The following CSMD1 variants were observed in gnomAD, a reference collection of about 807,000 sequenced individuals.
CSMD1 encodes CUB and sushi domain-containing protein 1.
CSMD1 carries 213 observed loss-of-function variants against 417.5 expected under a neutral mutation model. That is an observed-to-expected ratio of 0.51 (90% CI 0.46 to 0.57). The LOEUF (loss-of-function observed/expected upper bound fraction) is 0.57. Among genes scored for constraint, CSMD1 ranks in the 20% least tolerant of loss-of-function variants. CSMD1 has a pLI of 0.00. For missense variants in CSMD1, 6,923 were observed against 4,529.7 expected, an observed-to-expected ratio of 1.53 and a Z score of -15.17; for synonymous variants, 2,862 against 1,736.8, an observed-to-expected ratio of 1.65 and a Z score of -16.11.
At chr8:2,963,533 T>G in intron 59 of CSMD1, 138 bp from the exon 60 acceptor site, 1 of 827,688 alleles carries the variant, frequency 1.2e-6, no homozygotes, top group Non-Finnish European at 1.9e-6. Context: ...ATAAAAGAAT[T>G]GCCAAGGAAG....
chr8:4,666,077 T>A lies in CSMD1; in HGVS notation c.86-28519A>T, dbSNP rs970293997. On this transcript the variant is annotated intron_variant, in intron 1 of 69. Transcript: ENST00000635120. ...GTAACTGGCACATAGGACAATCTCATTTTGCTTCTAGGTAACGTTTCTGTG... is the reference window on the plus strand; with the variant it reads ...GTAACTGGCACATAGGACAATCTCAATTTGCTTCTAGGTAACGTTTCTGTG... Among the ~76,000 whole-genome samples the A allele has an allele frequency of 2.6e-5, 4 of 152,112 alleles. 1 individual carries two copies. Among genetic ancestry groups the A allele is most frequent in the African/African-American group, 9.7e-5 (4 of 41,420 alleles).
At chr8:3,666,194 C>CCACAACAA (rs1798685127) in intron 7 of CSMD1, among the ~76,000 whole-genome samples, 2 of 152,186 alleles carry the variant, frequency 1.3e-5, no homozygotes, top group African/African-American at 4.8e-5. Flanking sequence ...CCACGCTTGG[C>CCACAACAA]TTGATGCTTT....
At chr8:2,953,876 G>C (rs1802817642) in intron 65 of CSMD1, among the ~76,000 whole-genome samples, 1 of 152,188 alleles carries the variant, frequency 6.6e-6, no homozygotes, top group South Asian at 2.1e-4. Context: ...TTCCTCATTT[G>C]GAGGAAAAAA....
intron 69 of CSMD1, 83 bp downstream of exon 69, chr8:2,942,389 T>A: frequency 8.5e-7 from 1 of 1,173,160 alleles, no homozygotes; most frequent in Non-Finnish European, 1.2e-6. Context: ...TACATGTGCA[T>A]GTGAGCACGA....
intron 3 of CSMD1, among the ~76,000 whole-genome samples, chr8:4,362,668 G>A (rs1801839989): frequency 6.6e-6 from 1 of 152,176 alleles, no homozygotes; most frequent in Non-Finnish European, 1.5e-5. Context: ...AAAGGACAGT[G>A]AAATAAAAGA....
rs368889886 is a variant in CSMD1 at position 4,656,198 on chromosome 8, T to C, written c.86-18640A>G. Among the ~76,000 whole-genome samples, 6 of 152,104 alleles carry C rather than the reference T, an allele frequency of 3.9e-5. No homozygotes were observed. In the East Asian group the frequency reaches 1.2e-3, roughly 29 times the overall value. ...CCATAAGAACACTGAGGAAGGACTA[T>C]TCCAGGAAGGGAATATGGCTGTGGA... On this transcript the variant is annotated intron_variant, in intron 1 of 69. Transcript: ENST00000635120.
In CSMD1 at chr8:3,042,658, C is replaced by T. The variant is rs538754001; in HGVS notation, c.7660+9804G>A. Among the ~76,000 whole-genome samples the T allele has an allele frequency of 1.3e-3, 198 of 152,268 alleles. 1 individual carries two copies. Among genetic ancestry groups the T allele is most frequent in the South Asian group, 2.5e-3 (12 of 4,820 alleles). On this transcript the variant is annotated intron_variant, in intron 50 of 69. Transcript: ENST00000635120. ...CAACCGAGCAACCTTGGGAAAGGTA[C>T]TCAAGCTCCCATGTATACTCTGGGC... is the stretch of plus-strand genomic sequence containing the variant.
intron 3 of CSMD1, among the ~76,000 whole-genome samples, chr8:4,257,628 G>T (rs931589283): frequency 6.6e-6 from 1 of 152,148 alleles, no homozygotes; most frequent in Non-Finnish European, 1.5e-5. Context: ...TTGTCCTACT[G>T]TTTCAGGAAA....
chr8:3,652,638 C>A (rs967725607), intron 7 of CSMD1, among the ~76,000 whole-genome samples: 12 of 152,132 alleles, frequency 7.9e-5, no homozygotes, highest in African/African-American at 2.4e-4. Flanking sequence ...ATTTATGGAA[C>A]CATCAGATCT....
At chr8:3,521,177 A>T (rs746509400) in intron 10 of CSMD1, among the ~76,000 whole-genome samples, 2 of 151,996 alleles carry the variant, frequency 1.3e-5, no homozygotes, top group African/African-American at 2.4e-5. Flanking sequence ...AAACAGGTTA[A>T]CTCTATTTTT....
Position 3,142,530 on chromosome 8 carries a change from T to C in CSMD1, c.6176A>G (p.Glu2059Gly). 6.2e-7 allele frequency: 1 copy of C among 1,614,022 alleles called. No homozygotes were observed. Among genetic ancestry groups the C allele is most frequent in the Non-Finnish European group, 8.5e-7 (1 of 1,179,898 alleles). ...LPAALLSTTH[E>G]TLIHFYSDHS... ...GTCACTATAAAAGTGGATGAGGGTT[T>C]CATGCGTTGTGCTCAGCAGGGCCGC... The change falls in exon 41 of 70, where the codon GAA becomes GGA. Residue 2059 changes from glutamate to glycine, a missense_variant. Physicochemically the swap from Glu to Gly is moderately conservative, Grantham distance 98. Transcript: ENST00000635120.
rs559383827 is a variant in CSMD1, at chr8:4,486,180, CATATAT to C, written c.303-66121_303-66116del. On this transcript the variant is annotated intron_variant, in intron 2 of 69. Coordinates refer to ENST00000635120, the MANE Select transcript of CSMD1 (RefSeq NM_033225.6). ...ATACATACATATATATATATACATACATATATATATATATATATACATACATATATA... is the reference window on the plus strand; with the variant it reads ...ATACATACATATATATATATACATACATATATATATATACATACATATATA... Among the ~76,000 whole-genome samples, 99 of 17,550 alleles carry C rather than the reference CATATAT, an allele frequency of 5.6e-3. 2 individuals carry two copies. The highest frequency in any genetic ancestry group is 0.053 in the East Asian group (24 of 456). The allele number at this position is 17,550 out of a possible 152,430, so 11.5% of individuals were successfully genotyped here.
At chr8:4,658,656 A>G (rs1445934954) in intron 1 of CSMD1, among the ~76,000 whole-genome samples, 1 of 152,178 alleles carries the variant, frequency 6.6e-6, no homozygotes, top group Non-Finnish European at 1.5e-5. Flanking sequence ...AAGTAAAGCA[A>G]TGCCGTTAGA....
intron 48 of CSMD1, among the ~76,000 whole-genome samples, chr8:3,088,823 G>T (rs1400954454): frequency 1.3e-4 from 17 of 135,456 alleles, no homozygotes; most frequent in African/African-American, 4.6e-4. Flanking sequence ...AATATCAATG[G>T]CTTGGAATCA....
At chr8:3,677,588 G>C (rs1346927146) in intron 7 of CSMD1, among the ~76,000 whole-genome samples, 3 of 152,136 alleles carry the variant, frequency 2.0e-5, no homozygotes, top group African/African-American at 7.2e-5. Flanking sequence ...ATTCACGAAA[G>C]CCTAAGATTG....
At chr8:4,436,114 ATTC>A (rs937117438) in intron 2 of CSMD1, among the ~76,000 whole-genome samples, 8 of 152,270 alleles carry the variant, frequency 5.3e-5, no homozygotes, top group Middle Eastern at 3.4e-3. Context: ...AGCTAAATAT[ATTC>A]TTCATTTCAG....
chr8:4,113,071 C>G (rs1030844755), intron 3 of CSMD1, among the ~76,000 whole-genome samples: 4 of 152,152 alleles, frequency 2.6e-5, no homozygotes, highest in African/African-American at 9.7e-5. Flanking sequence ...CAAACACCCC[C>G]ATGTAAGACA....
At chr8:4,002,321 C>G (rs1252012448) in intron 4 of CSMD1, among the ~76,000 whole-genome samples, 1 of 152,146 alleles carries the variant, frequency 6.6e-6, no homozygotes, top group Non-Finnish European at 1.5e-5. Context: ...AACTTTTTAA[C>G]TCTTAATTTC....
chr8:4,282,258 C>T (rs1216129938), intron 3 of CSMD1, among the ~76,000 whole-genome samples: 1 of 152,136 alleles, frequency 6.6e-6, no homozygotes, highest in African/African-American at 2.4e-5. Flanking sequence ...TGAATATAAT[C>T]CATGTGAACC....
Sources: allele counts gnomAD v4.1 joint callset (sites outside exome capture counted in the v4.1 genomes callset), GRCh38; gene constraint gnomAD v4.1.1; transcripts MANE v1.5; gene names NCBI Gene and HGNC (gene_info 2026-07-23, HGNC 2026-07-21).